Variants in PRR36 observed in about 807,000 individuals in gnomAD.
PRR36 encodes proline-rich protein 36.
A neutral mutation model predicts 58.6 loss-of-function variants in PRR36; 30 were observed. The observed-to-expected ratio is 0.51, with a 90% CI of 0.38 to 0.69. The LOEUF (loss-of-function observed/expected upper bound fraction) is 0.69, where lower values mean the gene tolerates loss of function less well. PRR36 is among the 30% of genes least tolerant of loss of function. The probability of loss-of-function intolerance (pLI) is 0.00; values close to 1 mark genes in which losing one functional copy is unlikely to be tolerated. For missense variants in PRR36, 1,692 were observed against 1,805.6 expected (o/e 0.94, Z 1.14); for synonymous variants, 771 against 829.3 (o/e 0.93, Z 1.21).
chr19:7,868,902 C>G lies in PRR36; in HGVS notation c.*131G>C, dbSNP rs1006480755. On this transcript the variant is annotated 3_prime_UTR_variant, in exon 6 of 6. Transcript: ENST00000618550. ...GCCTCCGAGGCCAAAGGCTCAGGCT[C>G]TAGGGAGCTAAGACTAATCCACCCA... 4.5e-6 allele frequency: 5 copies of G among 1,119,040 alleles called. No homozygotes were observed. In the African/African-American group the frequency reaches 8.1e-5, roughly 18 times the overall value. The allele number at this position is 1,119,040 out of a possible 1,614,324, so 69.3% of individuals were successfully genotyped here.
Position 7,872,289 on chromosome 19 carries a change from G to A in PRR36, c.955C>T (p.Pro319Ser). ...AGGGGAGTGGCTGCATTGTCGGGAG[G>A]CGGTACGGGTCTTGCCTTGGTACCC... ...PSGTKARPVP[P>S]PDNAATPLPA... Residue 319 changes from proline to serine, a missense_variant, in exon 5 of 6, where the codon CCT (proline) becomes TCT (serine). Physicochemically the swap from Pro to Ser is moderately conservative, Grantham distance 74. Coordinates refer to ENST00000618550, the MANE Select transcript of PRR36 (RefSeq NM_001190467.2). The surrounding 1 kb of genome is among the most constrained non-coding windows in gnomAD (Gnocchi z 6.1). 6.9e-7 allele frequency: 1 copy of A among 1,457,252 alleles called. No individual in the cohort carries two copies. The highest frequency in any genetic ancestry group is 9.0e-7 in the Non-Finnish European group (1 of 1,111,102). 90.3% of individuals were successfully genotyped at this position (1,457,252 alleles called of 1,614,324 possible).
At chr19:7,869,664 C>A in intron 5 of PRR36, 51 bp downstream of exon 5, 1 of 1,386,482 alleles carries the variant, frequency 7.2e-7, no homozygotes. Context: ...AGCTGCGAAG[C>A]CTCGCCTCCG....
chr19:7,873,347 G>T lies in PRR36; in HGVS notation c.272-48C>A, dbSNP rs1310941645. The T allele has an allele frequency of 5.9e-6, 9 of 1,521,070 alleles. No individual in the cohort carries two copies. In the Admixed American group the frequency reaches 1.8e-4, roughly 31 times the overall value. 94.2% of individuals were successfully genotyped at this position (1,521,070 alleles called of 1,614,324 possible). A position where few individuals can be genotyped will look rare whatever the true frequency, so the allele number is the denominator to read the frequency against. ...CAGGTGCCCCGGAGAGGTGGCAGTG[G>T]AGGTGAGACTGGACAGGTATTGGAA... On this transcript the variant is annotated intron_variant, in intron 2 of 5. Transcript: ENST00000618550. This position sits in a 1 kb window ranked among gnomAD's most constrained non-coding sequence, Gnocchi z 5.0.
Position 7,873,570 on chromosome 19 carries a change from A to G in PRR36, c.120T>C (p.Thr40=). Reference sequence around the variant, plus strand: ...CTCCCAGAACTCGGAGGGCTGCGGGAGTTACTGGGGGAGGGGGTCGAGGAG... The same window carrying G: ...CTCCCAGAACTCGGAGGGCTGCGGGGGTTACTGGGGGAGGGGGTCGAGGAG... ...PGSPRPPPPV[T]PAALRVLGAA... The change falls in exon 2 of 6, where the codon ACT becomes ACC. Residue 40 remains threonine (T), a synonymous_variant. Transcript: ENST00000618550. The surrounding 1 kb of genome is among the most constrained non-coding windows in gnomAD (Gnocchi z 5.0). 6.5e-7 allele frequency: 1 copy of G among 1,534,230 alleles called. No homozygotes were observed. The highest frequency in any genetic ancestry group is 1.4e-5 in the African/African-American group (1 of 72,700).
rs1014769155 is a variant in PRR36 at position 7,872,565 on chromosome 19, G to T, written c.679C>A (p.Arg227=). The T allele has an allele frequency of 6.6e-7, 1 of 1,522,874 alleles. No individual in the cohort carries two copies. The highest frequency in any genetic ancestry group is 8.8e-7 in the Non-Finnish European group (1 of 1,141,760). The allele number at this position is 1,522,874 out of a possible 1,614,324, so 94.3% of individuals were successfully genotyped here. A position where few individuals can be genotyped will look rare whatever the true frequency, so the allele number is the denominator to read the frequency against. The change falls in exon 5 of 6, where the codon CGG becomes AGG. Residue 227 remains arginine (R), a synonymous_variant. Transcript: ENST00000618550. This position sits in a 1 kb window ranked among gnomAD's most constrained non-coding sequence, Gnocchi z 6.1. ...TGGAGACCCCCACCGGCGCTGGGCCGCCTCCTGGCAGCCGGGCTTGGCTCG... is the reference window on the plus strand; with the variant it reads ...TGGAGACCCCCACCGGCGCTGGGCCTCCTCCTGGCAGCCGGGCTTGGCTCG... The part of the protein sequence containing the change: ...TTEPSPAARR[R]PSAGGGLQRP...
chr19:7,870,611 A>T lies in PRR36; in HGVS notation c.2633T>A (p.Leu878Gln). 1 of 1,150,036 alleles carries T rather than the reference A, an allele frequency of 8.7e-7. No individual in the cohort carries two copies. The highest frequency in any genetic ancestry group is 1.1e-6 in the Non-Finnish European group (1 of 936,452). The allele number at this position is 1,150,036 out of a possible 1,614,324, so 71.2% of individuals were successfully genotyped here. Residue 878 changes from leucine to glutamine, a missense_variant, in exon 5 of 6, where the codon CTG (leucine) becomes CAG (glutamine). Leu to Gln is a moderately radical substitution (Grantham distance 113, BLOSUM62 -2). Coordinates refer to ENST00000618550, the MANE Select transcript of PRR36 (RefSeq NM_001190467.2). ...ATPSPQAPNA[L>Q]AVHLLQAPFS... ...AGGGGCCTGCAGAAGGTGCACTGCC[A>T]GAGCATTTGGGGCCTGTGGAGAGGG...
Position 7,872,174 on chromosome 19 carries a change from G to C in PRR36, c.1070C>G (p.Pro357Arg). The C allele has an allele frequency of 6.8e-7, 1 of 1,470,448 alleles. No individual in the cohort carries two copies. Among genetic ancestry groups the C allele is most frequent in the Non-Finnish European group, 9.0e-7 (1 of 1,113,758 alleles). 91.1% of individuals were successfully genotyped at this position (1,470,448 alleles called of 1,614,324 possible). A position where few individuals can be genotyped will look rare whatever the true frequency, so the allele number is the denominator to read the frequency against. Residue 357 changes from proline to arginine, a missense_variant, in exon 5 of 6, where the codon CCC becomes CGC. This residue lies in a region of PRR36 where 975 missense variants were observed against 955.2 expected (regional missense o/e 1.02). Transcript: ENST00000618550. The surrounding 1 kb of genome is among the most constrained non-coding windows in gnomAD (Gnocchi z 6.1). ...CTGACAGGTAAGGCTCGACGAGTGGGGCGTGGCCGGCAGGGTGGGCGGGGC... is the reference window on the plus strand; with the variant it reads ...CTGACAGGTAAGGCTCGACGAGTGGCGCGTGGCCGGCAGGGTGGGCGGGGC... The part of the protein sequence containing the change: ...SQAPPTLPAT[P>R]HSSSLTCQLA...
At position 7,872,034 on chromosome 19, in the gene PRR36, T is replaced by C. The variant is rs1345793786; in HGVS notation, c.1210A>G (p.Met404Val). Residue 404 changes from methionine (M) to valine (V), a missense_variant, in exon 5 of 6, where the codon ATG (methionine) becomes GTG (valine). By Grantham distance (21) the Met-to-Val change is conservative. Coordinates refer to ENST00000618550, the MANE Select transcript of PRR36 (RefSeq NM_001190467.2). The surrounding 1 kb of genome is among the most constrained non-coding windows in gnomAD (Gnocchi z 6.1). Reference protein sequence around the residue: ...PSQVPPTQLIMSFPEAGVSSL... With the variant: ...PSQVPPTQLIVSFPEAGVSSL... ...GAGACGCCTGCTTCTGGAAAGGACATAATCAGCTGTGTGGGTGGAACTTGC... is the reference window on the plus strand; with the variant it reads ...GAGACGCCTGCTTCTGGAAAGGACACAATCAGCTGTGTGGGTGGAACTTGC... 1.3e-6 allele frequency: 2 copies of C among 1,532,348 alleles called. No homozygotes were observed. The highest frequency in any genetic ancestry group is 1.4e-5 in the African/African-American group (1 of 71,702). 94.9% of individuals were successfully genotyped at this position (1,532,348 alleles called of 1,614,324 possible).
chr19:7,873,526 C>T lies in PRR36; in HGVS notation c.164G>A (p.Arg55Gln), dbSNP rs1266782196. 7.8e-6 allele frequency: 12 copies of T among 1,535,288 alleles called. No homozygotes were observed. Among genetic ancestry groups the T allele is most frequent in the African/African-American group, 1.4e-5 (1 of 73,066 alleles). ...CCCCGCTCGCTCTGCCAGAGGCTTT[C>T]GCCCCACTGCTCCCGCAGCTCCCAG... ...RVLGAAGAVGRKPLAERAGGI... is the reference protein window; with the variant it reads ...RVLGAAGAVGQKPLAERAGGI... The change falls in exon 2 of 6, where the codon CGA becomes CAA. Residue 55 changes from arginine (R) to glutamine (Q), a missense_variant. Physicochemically the swap from Arg to Gln is conservative, Grantham distance 43. Around this residue, in one of 5 missense-constraint regions of PRR36, gnomAD observed 975 missense variants for 955.2 expected, o/e 1.02. Transcript: ENST00000618550. This position sits in a 1 kb window ranked among gnomAD's most constrained non-coding sequence, Gnocchi z 5.0.
rs1326187224 is a variant in PRR36 at position 7,872,534 on chromosome 19, G to A, written c.710C>T (p.Pro237Leu). The change falls in exon 5 of 6, where the codon CCG becomes CTG. Residue 237 changes from proline (P) to leucine (L), a missense_variant. This residue lies in a region of PRR36 where 975 missense variants were observed against 955.2 expected (regional missense o/e 1.02). Coordinates refer to ENST00000618550, the MANE Select transcript of PRR36 (RefSeq NM_001190467.2). The surrounding 1 kb of genome is among the most constrained non-coding windows in gnomAD (Gnocchi z 6.1). ...GCTGGAGCTCAGGGAGCGCGAGGCC[G>A]GCCTCTGGAGACCCCCACCGGCGCT... ...RPSAGGGLQR[P>L]ASRSLSSSAT... 3.3e-6 allele frequency: 5 copies of A among 1,518,168 alleles called. No homozygotes were observed. Among genetic ancestry groups the A allele is most frequent in the African/African-American group, 1.4e-5 (1 of 72,048 alleles). 94.0% of individuals were successfully genotyped at this position (1,518,168 alleles called of 1,614,324 possible). A position where few individuals can be genotyped will look rare whatever the true frequency, so the allele number is the denominator to read the frequency against.
Position 7,868,821 on chromosome 19 carries a change from C to T in PRR36, c.*212G>A, listed in dbSNP as rs1042052913. The T allele has an allele frequency of 2.8e-5, 15 of 535,530 alleles. No individual in the cohort carries two copies. Among genetic ancestry groups the T allele is most frequent in the African/African-American group, 2.8e-4 (14 of 50,432 alleles). The allele number at this position is 535,530 out of a possible 1,614,324, so 33.2% of individuals were successfully genotyped here. A position where few individuals can be genotyped will look rare whatever the true frequency, so the allele number is the denominator to read the frequency against. ...TCGGGGAAACGGGGCGTGTCCTAGG[C>T]CAAAGGGGCGGAGCTCGAGGGGCGG... is the stretch of plus-strand genomic sequence containing the variant. On this transcript the variant is annotated 3_prime_UTR_variant, in exon 6 of 6. Transcript: ENST00000618550.
Position 7,869,893 on chromosome 19 carries a change from TG to T in PRR36, c.3350del (p.Pro1117GlnfsTer145). On this transcript the variant is annotated frameshift_variant, in exon 5 of 6. Coordinates refer to ENST00000618550, the MANE Select transcript of PRR36 (RefSeq NM_001190467.2). LOFTEE classifies it high-confidence loss of function. ...SRSPSSTLSG[P>X]DLAGHSSSAT... ...CGCTGCTGCTGTGGCCGGCCAGGTC[TG>T]GGCCGCTCAGCGTGCTGGACGGGCT... The T allele has an allele frequency of 7.3e-7, 1 of 1,362,430 alleles. No individual in the cohort carries two copies. The highest frequency in any genetic ancestry group is 9.4e-7 in the Non-Finnish European group (1 of 1,065,122). 84.4% of individuals were successfully genotyped at this position (1,362,430 alleles called of 1,614,324 possible).
At position 7,870,880 on chromosome 19, in the gene PRR36, T is replaced by C; in HGVS notation, c.2364A>G (p.Pro788=). ...GCGAAGGTGGTGCTTGCAGAGGGCA[T>C]GGGGCTGGACAAGGTGGAGTCTCCA... is the stretch of plus-strand genomic sequence containing the variant. ...PHLETPPCPA[P]CPLQAPPSPL... Residue 788 remains proline (P), a synonymous_variant, in exon 5 of 6, where the codon CCA becomes CCG. Transcript: ENST00000618550. 6.9e-7 allele frequency: 1 copy of C among 1,441,980 alleles called. No individual in the cohort carries two copies. Among genetic ancestry groups the C allele is most frequent in the Non-Finnish European group, 9.0e-7 (1 of 1,105,356 alleles). The allele number at this position is 1,441,980 out of a possible 1,614,324, so 89.3% of individuals were successfully genotyped here.
Position 7,869,972 on chromosome 19 carries a change from C to T in PRR36, c.3272G>A (p.Gly1091Asp). ...GGCCAACGCCAGGGTCAGCCGTGGGCCCGAGACGGAGGTATCCGGACCCGG... is the reference window on the plus strand; with the variant it reads ...GGCCAACGCCAGGGTCAGCCGTGGGTCCGAGACGGAGGTATCCGGACCCGG... ...PTPGPDTSVS[G>D]PRLTLALAPG... The change falls in exon 5 of 6, where the codon GGC becomes GAC. Residue 1091 changes from glycine to aspartate, a missense_variant. Transcript: ENST00000618550. The T allele has an allele frequency of 2.2e-6, 3 of 1,391,252 alleles. No individual in the cohort carries two copies. The highest frequency in any genetic ancestry group is 3.1e-5 in the South Asian group (2 of 63,818). The allele number at this position is 1,391,252 out of a possible 1,614,324, so 86.2% of individuals were successfully genotyped here. A position where few individuals can be genotyped will look rare whatever the true frequency, so the allele number is the denominator to read the frequency against.
Position 7,869,704 on chromosome 19 carries a change from G to GTGCC in PRR36, c.3529+7_3529+10dup. On this transcript the variant is annotated intron_variant, in intron 5 of 5. Coordinates refer to ENST00000618550, the MANE Select transcript of PRR36 (RefSeq NM_001190467.2). ...CGCCCACAGCCAGGCCGGGTCTGGGGTGCCCCTTACCTGGGGCTCCGCGGA... is the reference window on the plus strand; with the variant it reads ...CGCCCACAGCCAGGCCGGGTCTGGGGTGCCTGCCCCTTACCTGGGGCTCCGCGGA... The GTGCC allele has an allele frequency of 7.4e-7, 1 of 1,354,984 alleles. No individual in the cohort carries two copies. The highest frequency in any genetic ancestry group is 9.5e-7 in the Non-Finnish European group (1 of 1,058,058). The allele number at this position is 1,354,984 out of a possible 1,614,324, so 83.9% of individuals were successfully genotyped here. A position where few individuals can be genotyped will look rare whatever the true frequency, so the allele number is the denominator to read the frequency against.
rs911880820 is a variant in PRR36, at chr19:7,871,712, G to A, written c.1532C>T (p.Thr511Met). 51 of 1,535,630 alleles carry A rather than the reference G, an allele frequency of 3.3e-5. No homozygotes were observed. Among genetic ancestry groups the A allele is most frequent in the Non-Finnish European group, 4.2e-5 (48 of 1,146,810 alleles). ...AGGAAGAGTGGCCAGAGTGTGGGGC[G>A]TGGCCTGGAGAGAGGGCGGAGACGG... ...PSPSPPSLQATPHTLATLPLQ... is the reference protein window; with the variant it reads ...PSPSPPSLQAMPHTLATLPLQ... Residue 511 changes from threonine (T) to methionine (M), a missense_variant, in exon 5 of 6, where the codon ACG (threonine) becomes ATG (methionine). Physicochemically the swap from Thr to Met is moderately conservative, Grantham distance 81. Coordinates refer to ENST00000618550, the MANE Select transcript of PRR36 (RefSeq NM_001190467.2).
At chr19:7,869,694 C>G in intron 5 of PRR36, 21 bp downstream of exon 5, 3 of 1,374,858 alleles carry the variant, frequency 2.2e-6, no homozygotes, top group Non-Finnish European at 9.4e-7. Flanking sequence ...ACAGCCAGGC[C>G]GGGTCTGGGG....
At position 7,873,826 on chromosome 19, in the gene PRR36, T is replaced by TTTTTAATG; in HGVS notation, c.-7-131_-7-130insCATTAAAA. ...GGACACTCAAACCTCGGCCTCGGCT[T>TTTTTAATG]CCATCCGCTCGGCTCCCACGCACCT... On this transcript the variant is annotated intron_variant, in intron 1 of 5. Transcript: ENST00000618550. The surrounding 1 kb of genome is among the most constrained non-coding windows in gnomAD (Gnocchi z 5.0). 1 of 916,952 alleles carries TTTTTAATG rather than the reference T, an allele frequency of 1.1e-6. No individual in the cohort carries two copies. The highest frequency in any genetic ancestry group is 1.6e-6 in the Non-Finnish European group (1 of 625,474). 56.8% of individuals were successfully genotyped at this position (916,952 alleles called of 1,614,324 possible). A position where few individuals can be genotyped will look rare whatever the true frequency, so the allele number is the denominator to read the frequency against.
At position 7,869,507 on chromosome 19, in the gene PRR36, G is replaced by A; in HGVS notation, c.3567C>T (p.Gly1189=). 1 of 1,520,560 alleles carries A rather than the reference G, an allele frequency of 6.6e-7. No homozygotes were observed. The highest frequency in any genetic ancestry group is 8.8e-7 in the Non-Finnish European group (1 of 1,140,214). 94.2% of individuals were successfully genotyped at this position (1,520,560 alleles called of 1,614,324 possible). A position where few individuals can be genotyped will look rare whatever the true frequency, so the allele number is the denominator to read the frequency against. ...PLPWPPATGP[G]SADGLCTIYE... Reference sequence around the variant, plus strand: ...AGATGGTGCACAGACCGTCAGCAGAGCCCGGTCCGGTAGCGGGAGGCCACG... The same window carrying A: ...AGATGGTGCACAGACCGTCAGCAGAACCCGGTCCGGTAGCGGGAGGCCACG... Residue 1189 remains glycine (G), a synonymous_variant, in exon 6 of 6, where the codon GGC becomes GGT. Transcript: ENST00000618550.
Sources: gnomAD v4.1 joint callset for allele counts on GRCh38, gnomAD v4.1.1 for gene constraint, gnomAD v4.1.1 regional missense constraint, Gnocchi (gnomAD v3.1) non-coding constraint, MANE v1.5 for transcripts, NCBI Gene and HGNC (gene_info 2026-07-23, HGNC 2026-07-21) for gene names.